Variants in ATAD3B observed in about 807,000 individuals in gnomAD.
The protein encoded by ATAD3B is ATPase family AAA domain-containing protein 3B.
ATAD3B carries 59 observed loss-of-function variants against 70.2 expected under a neutral mutation model. That is an observed-to-expected ratio of 0.84 (90% CI 0.68 to 1.04). The LOEUF is 1.04. Ranked by LOEUF, ATAD3B falls within the 50% of genes least tolerant of loss-of-function variation. The probability of loss-of-function intolerance (pLI) is 0.00; values close to 1 mark genes in which losing one functional copy is unlikely to be tolerated. For missense variants in ATAD3B, 961 were observed against 913.4 expected, an observed-to-expected ratio of 1.05 and a Z score of -0.67; for synonymous variants, 423 against 388.6, an observed-to-expected ratio of 1.09 and a Z score of -1.04.
At chr1:1,484,298 A>T (rs1640084893) in intron 7 of ATAD3B, 1 of 151,614 alleles carries the variant, frequency 6.6e-6, no homozygotes, top group Non-Finnish European at 1.5e-5. Context: ...CTCCTGTCTC[A>T]GCCTCCGGAG....
At chr1:1,481,243 G>A (rs1639895319) in intron 5 of ATAD3B, among the ~76,000 whole-genome samples, 1 of 95,830 alleles carries the variant, frequency 1.0e-5, no homozygotes, top group South Asian at 3.8e-4. Context: ...CACGATCTCA[G>A]CTCACTGCAA....
At chr1:1,472,140 G>C in intron 1 of ATAD3B, 51 bp downstream of exon 1, 1 of 1,249,024 alleles carries the variant, frequency 8.0e-7, no homozygotes, top group Non-Finnish European at 1.0e-6. Flanking sequence ...GACGGGCCGG[G>C]GAAGCGGGAG....
intron 15 of ATAD3B, among the ~76,000 whole-genome samples, chr1:1,491,959 TC>T (rs1640561971): frequency 6.6e-6 from 1 of 151,598 alleles, no homozygotes; most frequent in Non-Finnish European, 1.5e-5. Context: ...GCCAAGTCAG[TC>T]AGATTATTTG....
chr1:1,482,286 C>A lies in ATAD3B; in HGVS notation c.663C>A (p.Thr221=). Residue 221 remains threonine, a synonymous_variant, in exon 6 of 16, where the codon ACC becomes ACA. Coordinates refer to ENST00000673477, the MANE Select transcript of ATAD3B (RefSeq NM_031921.6). ...IRLKASEHRQ[T]VLESIRTAGT... is the part of the protein sequence containing the mutation. ...TGAAGGCGTCCGAGCACCGTCAGAC[C>A]GTCTTGGAGTCCATCAGGTGAGCAC... 6.2e-7 allele frequency: 1 copy of A among 1,609,634 alleles called. No homozygotes were observed. Among genetic ancestry groups the A allele is most frequent in the South Asian group, 1.1e-5 (1 of 90,736 alleles).
At chr1:1,482,764 G>T (rs1442736379) in intron 7 of ATAD3B, 150 bp downstream of exon 7, 1 of 1,293,298 alleles carries the variant, frequency 7.7e-7, no homozygotes, top group African/African-American at 1.5e-5. Context: ...GCTGGGCTCG[G>T]CTGCTCCTCC....
At chr1:1,481,554 C>G (rs1226443275) in intron 5 of ATAD3B, among the ~76,000 whole-genome samples, 6 of 83,340 alleles carry the variant, frequency 7.2e-5, no homozygotes, top group Non-Finnish European at 1.4e-4. Flanking sequence ...GGCGAGTGCT[C>G]CAGGCAAACG....
intron 15 of ATAD3B, among the ~76,000 whole-genome samples, chr1:1,490,902 A>C (rs538415662): frequency 3.0e-4 from 45 of 152,114 alleles, no homozygotes; most frequent in African/African-American, 9.4e-4. Flanking sequence ...TGACAGTCAC[A>C]CGGGGCTCTC....
Position 1,486,057 on chromosome 1 carries a change from G to T in ATAD3B, c.964-53G>T, listed in dbSNP as rs888284633. On this transcript the variant is annotated intron_variant, in intron 9 of 15. Transcript: ENST00000673477. ...GGGCATTCCCGCAGCCCCTGTCACC[G>T]AGGCTTCCGTGGGTGCAGAGTGTCT... 21 of 1,611,252 alleles carry T rather than the reference G, an allele frequency of 1.3e-5. No individual in the cohort carries two copies. In the East Asian group the frequency reaches 1.8e-4, roughly 14 times the overall value.
chr1:1,480,095 C>T (rs1202483321), intron 4 of ATAD3B, among the ~76,000 whole-genome samples: 3 of 145,464 alleles, frequency 2.1e-5, no homozygotes, highest in Non-Finnish European at 4.5e-5. Context: ...ACGCGCACAC[C>T]GCCGCAAACA....
intron 1 of ATAD3B, among the ~76,000 whole-genome samples, chr1:1,474,818 C>T (rs936884373): frequency 5.9e-5 from 9 of 151,836 alleles, no homozygotes; most frequent in Non-Finnish European, 1.0e-4. Flanking sequence ...GTAATTTTAA[C>T]GATCAGGTTA....
At position 1,481,119 on chromosome 1, in the gene ATAD3B, G is replaced by A. The variant is rs1639889908; in HGVS notation, c.514+183G>A. ...AAGACACCTCTGTCTGCGAGTGGAC[G>A]CCAGGATCTGTTCAGGGAGGGCAGG... On this transcript the variant is annotated intron_variant, in intron 5 of 15. Coordinates refer to ENST00000673477, the MANE Select transcript of ATAD3B (RefSeq NM_031921.6). Among the ~76,000 whole-genome samples, 5 of 140,190 alleles carry A rather than the reference G, an allele frequency of 3.6e-5. 1 individual carries two copies. Among genetic ancestry groups the A allele is most frequent in the African/African-American group, 5.7e-5 (2 of 34,874 alleles). The allele number at this position is 140,190 out of a possible 152,430, so 92.0% of individuals were successfully genotyped here.
At chr1:1,492,410 C>G (rs1640583378) in intron 15 of ATAD3B, among the ~76,000 whole-genome samples, 1 of 151,774 alleles carries the variant, frequency 6.6e-6, no homozygotes, top group South Asian at 2.1e-4. Context: ...TGCTTGAACC[C>G]ACGAGGCAGA....
chr1:1,489,529 T>A lies in ATAD3B; in HGVS notation c.1337+255T>A, dbSNP rs545916427. ...GTGCGCCGCCGCCCCAGCTTGCAGG[T>A]CCCTCTGCCCCTAGATTTCTGCGGT... On this transcript the variant is annotated intron_variant, in intron 13 of 15. Transcript: ENST00000673477. 1.9e-4 allele frequency: 182 copies of A among 975,834 alleles called. 2 individuals are homozygous for A. In the African/African-American group the frequency reaches 2.8e-3, roughly 15 times the overall value. The allele number at this position is 975,834 out of a possible 1,614,324, so 60.4% of individuals were successfully genotyped here.
At position 1,496,118 on chromosome 1, in the gene ATAD3B, C is replaced by A. The variant is rs1356752610; in HGVS notation, c.*301C>A. The A allele has an allele frequency of 1.4e-5, 16 of 1,154,072 alleles. No homozygotes were observed. The Admixed American group carries it at 1.7e-4, about 12-fold the overall frequency. The allele number at this position is 1,154,072 out of a possible 1,614,324, so 71.5% of individuals were successfully genotyped here. ...GGGCCACGGAACCCGGCAGGGGTGTCTGAGGCCGCCCTGTCAGCTGGCCGG... is the reference window on the plus strand; with the variant it reads ...GGGCCACGGAACCCGGCAGGGGTGTATGAGGCCGCCCTGTCAGCTGGCCGG... On this transcript the variant is annotated 3_prime_UTR_variant, in exon 16 of 16. Transcript: ENST00000673477.
At chr1:1,491,359 C>T (rs1385393827) in intron 15 of ATAD3B, among the ~76,000 whole-genome samples, 1 of 151,868 alleles carries the variant, frequency 6.6e-6, no homozygotes, top group Non-Finnish European at 1.5e-5. Flanking sequence ...GTCGAAACCC[C>T]GTCTCTACTA....
At position 1,496,309 on chromosome 1, in the gene ATAD3B, G is replaced by C; in HGVS notation, c.*492G>C. On this transcript the variant is annotated 3_prime_UTR_variant, in exon 16 of 16. Coordinates refer to ENST00000673477, the MANE Select transcript of ATAD3B (RefSeq NM_031921.6). ...GAGGCAGAGGCTGGAGCTTTCTGGA[G>C]AATTTACTGATCACAGAGCGGTGTG... 1 of 906,142 alleles carries C rather than the reference G, an allele frequency of 1.1e-6. No individual in the cohort carries two copies. Among genetic ancestry groups the C allele is most frequent in the Non-Finnish European group, 1.3e-6 (1 of 756,644 alleles). 56.1% of individuals were successfully genotyped at this position (906,142 alleles called of 1,614,324 possible).
the ATAD3B span, among the ~76,000 whole-genome samples, chr1:1,503,046 A>C: frequency 8.6e-5 from 13 of 150,586 alleles, no homozygotes; most frequent in Non-Finnish European, 1.2e-4. Context: ...AACAGGGTGA[A>C]ACCCTGTCTC....
chr1:1,483,980 G>C (rs1640065759), intron 7 of ATAD3B: 2 of 152,222 alleles, frequency 1.3e-5, no homozygotes, highest in Admixed American at 1.3e-4. Context: ...TCAGTGCCGG[G>C]CACCTACTGT....
At chr1:1,479,240 A>T in intron 4 of ATAD3B, 132 bp downstream of exon 4, 1 of 1,119,992 alleles carries the variant, frequency 8.9e-7, no homozygotes, top group Non-Finnish European at 1.3e-6. Context: ...GAGCAGGGGA[A>T]ACTACTCGGA....
Sources: gnomAD v4.1 joint callset for allele counts (sites outside exome capture counted in the v4.1 genomes callset) on GRCh38, gnomAD v4.1.1 for gene constraint, MANE v1.5 for transcripts, NCBI Gene and HGNC (gene_info 2026-07-23, HGNC 2026-07-21) for gene names.